The following ARHGEF10L variants were observed in gnomAD, a reference collection of about 807,000 sequenced individuals.
The protein encoded by ARHGEF10L is rho guanine nucleotide exchange factor 10-like protein.
A neutral mutation model predicts 141.2 loss-of-function variants in ARHGEF10L; 69 were observed. That is an observed-to-expected ratio of 0.49 (90% CI 0.40 to 0.60). The LOEUF (loss-of-function observed/expected upper bound fraction) is 0.60. ARHGEF10L is among the 20% of genes least tolerant of loss of function. The pLI is 0.00. For synonymous variants in ARHGEF10L, 711 were observed against 718.5 expected (o/e 0.99, Z 0.17); for missense variants, 1,482 against 1,734.3 (o/e 0.85, Z 2.58).
chr1:17,684,067 A>T (rs2064365553), intron 26 of ARHGEF10L, among the ~76,000 whole-genome samples: 1 of 152,234 alleles, frequency 6.6e-6, no homozygotes. Flanking sequence ...AAGCCTGCAG[A>T]CAAAGCATGT....
chr1:17,525,701 A>AT, the ARHGEF10L span, among the ~76,000 whole-genome samples: 88 of 151,702 alleles, frequency 5.8e-4, 1 homozygote, highest in East Asian at 0.014. Context: ...TCTTTTAATA[A>AT]TTTTTTTTTA....
chr1:17,582,571 G>T (rs368637678), intron 2 of ARHGEF10L, among the ~76,000 whole-genome samples: 3 of 152,334 alleles, frequency 2.0e-5, no homozygotes, highest in East Asian at 3.9e-4. Context: ...GGGGCACTTG[G>T]TGTTTGTTCT....
rs1304379871 is a variant in ARHGEF10L at position 17,648,662 on chromosome 1, C to T, written c.2381C>T (p.Ala794Val). Residue 794 changes from alanine (A) to valine (V), a missense_variant, in exon 22 of 29, where the codon GCA becomes GTA. Transcript: ENST00000361221. ...TGCATCCCTGCCTTCTCCTCCCGGGCACTCAGCCTGCAGGTGAGTGGAGCG... is the reference window on the plus strand; with the variant it reads ...TGCATCCCTGCCTTCTCCTCCCGGGTACTCAGCCTGCAGGTGAGTGGAGCG... ...ACCIPAFSSR[A>V]LSLQLGALVH... 3 of 1,612,716 alleles carry T rather than the reference C, an allele frequency of 1.9e-6. No individual in the cohort carries two copies. The highest frequency in any genetic ancestry group is 1.1e-5 in the South Asian group (1 of 91,010).
At chr1:17,595,602 C>T (rs1033783687) in intron 4 of ARHGEF10L, among the ~76,000 whole-genome samples, 1 of 152,152 alleles carries the variant, frequency 6.6e-6, no homozygotes, top group Non-Finnish European at 1.5e-5. Flanking sequence ...GATCTGTGAC[C>T]ATGTGTGGGG....
chr1:17,696,050 AT>A (rs1480138458), intron 28 of ARHGEF10L, among the ~76,000 whole-genome samples: 1 of 152,006 alleles, frequency 6.6e-6, no homozygotes, highest in African/African-American at 2.4e-5. Context: ...ATAAAAAAAA[AT>A]AAAAATAAAA....
rs559804751 is a variant in ARHGEF10L, at chr1:17,550,832, T to C, written c.-44+10882T>C. Among the ~76,000 whole-genome samples the C allele has an allele frequency of 3.3e-5, 5 of 151,830 alleles. No individual in the cohort carries two copies. The East Asian group carries it at 5.9e-4, about 18-fold the overall frequency. On this transcript the variant is annotated intron_variant, in intron 1 of 28. Transcript: ENST00000361221. ...GCTCTGGGAGCTCTTATATTTATAG[T>C]CTGGTGGAGGAGGAGGAGCCAGGGC...
chr1:17,600,370 C>T (rs972104567), intron 4 of ARHGEF10L, among the ~76,000 whole-genome samples: 1 of 152,158 alleles, frequency 6.6e-6, no homozygotes, highest in African/African-American at 2.4e-5. Flanking sequence ...AGGCCTCTGC[C>T]CTCTAGGTTG....
At chr1:17,563,393 C>G (rs910151021) in intron 1 of ARHGEF10L, among the ~76,000 whole-genome samples, 2 of 152,086 alleles carry the variant, frequency 1.3e-5, no homozygotes, top group African/African-American at 4.8e-5. Context: ...TACCACCATG[C>G]CTGGCTAATT....
chr1:17,637,836 G>A (rs893476979), intron 18 of ARHGEF10L, 52 bp from the exon 19 acceptor site: 41 of 1,496,616 alleles, frequency 2.7e-5, no homozygotes, highest in Non-Finnish European at 3.4e-5. Context: ...CAGATGCTTG[G>A]CTTCTTGTTA....
intron 25 of ARHGEF10L, among the ~76,000 whole-genome samples, chr1:17,660,347 G>A (rs2062542241): frequency 6.6e-6 from 1 of 152,272 alleles, no homozygotes; most frequent in East Asian, 1.9e-4. Context: ...TGAGAGCTTG[G>A]GCCTTTCCTT....
At chr1:17,587,426 T>C in intron 2 of ARHGEF10L, 34 bp from the exon 3 acceptor site, 2 of 1,596,760 alleles carry the variant, frequency 1.3e-6, no homozygotes, top group South Asian at 2.3e-5. Context: ...ACCTCGGAGA[T>C]CCTGCAGCCT....
Position 17,632,434 on chromosome 1 carries a change from C to A in ARHGEF10L, c.1698C>A (p.Asn566Lys). The change falls in exon 16 of 29, where the codon AAC (asparagine) becomes AAA (lysine). Residue 566 changes from asparagine to lysine, a missense_variant. Physicochemically the swap from Asn to Lys is moderately conservative, Grantham distance 94. Transcript: ENST00000361221. Reference protein sequence around the residue: ...KSKERRVFLLNDMLVCANINF... With the variant: ...KSKERRVFLLKDMLVCANINF... ...AGGAGCGTCGGGTCTTCCTGCTCAACGACATGCTTGTCTGTGCCAACATCA... is the reference window on the plus strand; with the variant it reads ...AGGAGCGTCGGGTCTTCCTGCTCAAAGACATGCTTGTCTGTGCCAACATCA... 6.2e-7 allele frequency: 1 copy of A among 1,614,166 alleles called. No homozygotes were observed.
Position 17,621,726 on chromosome 1 carries a change from C to T in ARHGEF10L, c.943-138C>T, listed in dbSNP as rs1181557470. ...GCAGGGGCTCTGGAAGGAAGAGTGG[C>T]CACCAGGCCCAGTGGTCCCAGGTGG... On this transcript the variant is annotated intron_variant, in intron 10 of 28. Coordinates refer to ENST00000361221, the MANE Select transcript of ARHGEF10L (RefSeq NM_018125.4). The surrounding 1 kb of genome is among the most constrained non-coding windows in gnomAD (Gnocchi z 4.1). 3 of 736,666 alleles carry T rather than the reference C, an allele frequency of 4.1e-6. No individual in the cohort carries two copies. The highest frequency in any genetic ancestry group is 2.1e-5 in the Admixed American group (1 of 48,502). The allele number at this position is 736,666 out of a possible 1,614,324, so 45.6% of individuals were successfully genotyped here.
At chr1:17,638,521 A>T in intron 19 of ARHGEF10L, 41 bp from the exon 20 acceptor site, 2 of 1,612,194 alleles carry the variant, frequency 1.2e-6, no homozygotes. Context: ...TTGGGGAGCC[A>T]GTGTGCTGTG....
chr1:17,690,354 G>A (rs1031222313), intron 27 of ARHGEF10L, among the ~76,000 whole-genome samples: 2 of 152,212 alleles, frequency 1.3e-5, no homozygotes, highest in Admixed American at 6.5e-5. Flanking sequence ...TCCCTACCCC[G>A]CAGGGCAGGT....
the ARHGEF10L span, among the ~76,000 whole-genome samples, chr1:17,514,293 G>C: frequency 6.6e-6 from 1 of 150,950 alleles, no homozygotes; most frequent in African/African-American, 2.4e-5. Flanking sequence ...CTGCCACCAC[G>C]CCCAGCTAAT....
intron 26 of ARHGEF10L, among the ~76,000 whole-genome samples, chr1:17,670,471 C>T (rs373448243): frequency 2.0e-5 from 3 of 152,162 alleles, no homozygotes; most frequent in South Asian, 4.1e-4. Flanking sequence ...TCATTTTAAC[C>T]GATTGCTGGA....
chr1:17,515,143 T>A, the ARHGEF10L span, among the ~76,000 whole-genome samples: 2 of 152,036 alleles, frequency 1.3e-5, no homozygotes, highest in Non-Finnish European at 2.9e-5. Context: ...GGGTCCTCAA[T>A]GGGGGGCAAC....
In ARHGEF10L at chr1:17,558,938, G is replaced by A. The variant is rs1226434207; in HGVS notation, c.-44+18988G>A. Among the ~76,000 whole-genome samples, 5 of 152,186 alleles carry A rather than the reference G, an allele frequency of 3.3e-5. No homozygotes were observed. The highest frequency in any genetic ancestry group is 5.9e-5 in the Non-Finnish European group (4 of 68,030). ...TTCCTCGGCTTTCAGCTCTTTTCTTGTGTAGATTGGAGCCTTTGCATTCAT... is the reference window on the plus strand; with the variant it reads ...TTCCTCGGCTTTCAGCTCTTTTCTTATGTAGATTGGAGCCTTTGCATTCAT... On this transcript the variant is annotated intron_variant, in intron 1 of 28. Coordinates refer to ENST00000361221, the MANE Select transcript of ARHGEF10L (RefSeq NM_018125.4). This position sits in a 1 kb window ranked among gnomAD's most constrained non-coding sequence, Gnocchi z 4.2.
Sources: gnomAD v4.1 joint callset for allele counts (sites outside exome capture counted in the v4.1 genomes callset) on GRCh38, gnomAD v4.1.1 for gene constraint, Gnocchi (gnomAD v3.1) non-coding constraint, MANE v1.5 for transcripts, NCBI Gene and HGNC (gene_info 2026-07-23, HGNC 2026-07-21) for gene names.